LRMDA: variants seen among roughly 807,000 people sequenced by gnomAD.
The protein encoded by LRMDA is leucine-rich melanocyte differentiation-associated protein.
LRMDA carries 18 observed loss-of-function variants against 29.8 expected under a neutral mutation model. The observed-to-expected ratio is 0.60, with a 90% CI of 0.42 to 0.90. The LOEUF is 0.90. LRMDA is among the 40% of genes least tolerant of loss of function. The pLI is 0.00. For missense variants in LRMDA, 273 were observed against 273.9 expected (o/e 1.00, Z 0.02); for synonymous variants, 125 against 109.4 (o/e 1.14, Z -0.89).
At position 76,268,380 on chromosome 10, in the gene LRMDA, G is replaced by A. The variant is rs567875198; in HGVS notation, c.517-56021G>A. ...CTCTCCCACATTCAGGAATGACAGG[G>A]CTAGTGTGTGCTTCTGCACTTGCCC... is the stretch of plus-strand genomic sequence containing the variant. On this transcript the variant is annotated intron_variant, in intron 5 of 6. Coordinates refer to ENST00000611255, the MANE Select transcript of LRMDA (RefSeq NM_001305581.2). Among the ~76,000 whole-genome samples, 21 of 152,314 alleles carry A rather than the reference G, an allele frequency of 1.4e-4. No individual in the cohort carries two copies. In the South Asian group the frequency reaches 3.9e-3, roughly 29 times the overall value.
At chr10:75,891,321 G>T (rs1300916980) in intron 2 of LRMDA, among the ~76,000 whole-genome samples, 1 of 152,170 alleles carries the variant, frequency 6.6e-6, no homozygotes, top group Non-Finnish European at 1.5e-5. Context: ...CTGCAGCATT[G>T]GCATTTTCTA....
chr10:76,478,428 A>T (rs1842700835), intron 6 of LRMDA, among the ~76,000 whole-genome samples: 1 of 152,190 alleles, frequency 6.6e-6, no homozygotes, highest in Non-Finnish European at 1.5e-5. Context: ...GAGAAATAGG[A>T]AGAGTTTTAC....
At chr10:76,131,754 A>G (rs1252312197) in intron 5 of LRMDA, among the ~76,000 whole-genome samples, 1 of 152,102 alleles carries the variant, frequency 6.6e-6, no homozygotes, top group Non-Finnish European at 1.5e-5. Flanking sequence ...TGTGCTTATT[A>G]GCCATGCACA....
chr10:76,498,274 G>A (rs1376104716), intron 6 of LRMDA, among the ~76,000 whole-genome samples: 2 of 75,174 alleles, frequency 2.7e-5, no homozygotes, highest in Non-Finnish European at 8.8e-5. Context: ...AGCCTCAAAG[G>A]CCTCTCATAA....
chr10:75,476,508 C>T (rs1737132510), intron 2 of LRMDA, among the ~76,000 whole-genome samples: 1 of 152,172 alleles, frequency 6.6e-6, no homozygotes, highest in African/African-American at 2.4e-5. Context: ...CCTTAAGGAT[C>T]GCCATGTCTG....
chr10:75,925,632 G>GGTGGCAGTGGTGGTGGTAATA, intron 2 of LRMDA, among the ~76,000 whole-genome samples: 1 of 151,830 alleles, frequency 6.6e-6, no homozygotes, highest in African/African-American at 2.4e-5. Flanking sequence ...TGGTGGTAAT[G>GGTGGCAGTGGTGGTGGTAATA]GTGGCAGCAG....
intron 2 of LRMDA, among the ~76,000 whole-genome samples, chr10:75,572,690 G>A (rs75150085): frequency 0.013 from 1,983 of 152,274 alleles, 45 homozygotes; most frequent in African/African-American, 0.045. Context: ...AATTCTAGCT[G>A]ATAGCTATTT....
intron 2 of LRMDA, among the ~76,000 whole-genome samples, chr10:75,452,292 G>A (rs1844470232): frequency 6.6e-6 from 1 of 152,134 alleles, no homozygotes; most frequent in African/African-American, 2.4e-5. Flanking sequence ...ATTCTGTGCT[G>A]CCTGGAGCCC....
At chr10:75,454,422 C>T (rs1844492400) in intron 2 of LRMDA, among the ~76,000 whole-genome samples, 1 of 152,124 alleles carries the variant, frequency 6.6e-6, no homozygotes, top group South Asian at 2.1e-4. Context: ...ACCTTCCCGT[C>T]TCCTTTAGTT....
chr10:76,493,674 G>A (rs1481320446), intron 6 of LRMDA, among the ~76,000 whole-genome samples: 1 of 151,926 alleles, frequency 6.6e-6, no homozygotes, highest in Non-Finnish European at 1.5e-5. Context: ...ATCAGGGTAA[G>A]TTCTCCAAGT....
At chr10:76,184,759 T>C (rs1042315621) in intron 5 of LRMDA, among the ~76,000 whole-genome samples, 2 of 152,214 alleles carry the variant, frequency 1.3e-5, no homozygotes, top group African/African-American at 4.8e-5. Context: ...ACATTCCCGC[T>C]GTCTTCTTTT....
chr10:76,480,289 G>A (rs941832399), intron 6 of LRMDA, among the ~76,000 whole-genome samples: 1 of 151,908 alleles, frequency 6.6e-6, no homozygotes, highest in East Asian at 1.9e-4. Flanking sequence ...TACTTATACT[G>A]TAGTAAGCCC....
chr10:76,216,602 A>G (rs1851732590), intron 5 of LRMDA, among the ~76,000 whole-genome samples: 1 of 152,214 alleles, frequency 6.6e-6, no homozygotes, highest in African/African-American at 2.4e-5. Flanking sequence ...ATTAAAAAGG[A>G]AATGTAAGAT....
intron 6 of LRMDA, among the ~76,000 whole-genome samples, chr10:76,353,838 T>G (rs750831895): frequency 6.6e-6 from 1 of 152,162 alleles, no homozygotes; most frequent in Non-Finnish European, 1.5e-5. Flanking sequence ...TCCATTACTT[T>G]GTAATAAGGG....
intron 2 of LRMDA, among the ~76,000 whole-genome samples, chr10:75,583,789 A>G (rs1249876315): frequency 6.6e-6 from 1 of 152,026 alleles, no homozygotes; most frequent in Non-Finnish European, 1.5e-5. Context: ...CAAATCAGTC[A>G]TTAAGTCCCA....
intron 2 of LRMDA, among the ~76,000 whole-genome samples, chr10:75,774,580 G>A (rs1843285487): frequency 6.6e-6 from 1 of 152,060 alleles, no homozygotes; most frequent in Admixed American, 6.5e-5. Context: ...TTATAGACAA[G>A]CAGAAGGATA....
chr10:75,629,491 C>T (rs996173031), intron 2 of LRMDA, among the ~76,000 whole-genome samples: 1 of 152,212 alleles, frequency 6.6e-6, no homozygotes, highest in East Asian at 1.9e-4. Flanking sequence ...TGCATTTTCA[C>T]GTTATTATCT....
At chr10:76,370,522 G>T (rs766095941) in intron 6 of LRMDA, among the ~76,000 whole-genome samples, 1 of 152,058 alleles carries the variant, frequency 6.6e-6, no homozygotes, top group Non-Finnish European at 1.5e-5. Flanking sequence ...AGCATATATT[G>T]TAGGCTCCCC....
intron 1 of LRMDA, among the ~76,000 whole-genome samples, chr10:75,435,614 A>G (rs1043499439): frequency 1.3e-5 from 2 of 152,154 alleles, no homozygotes; most frequent in African/African-American, 4.8e-5. Context: ...AACAACTTGT[A>G]TTTTTCTTAG....
Sources: gnomAD v4.1 joint callset for allele counts (sites outside exome capture counted in the v4.1 genomes callset) on GRCh38, gnomAD v4.1.1 for gene constraint, MANE v1.5 for transcripts, NCBI Gene and HGNC (gene_info 2026-07-23, HGNC 2026-07-21) for gene names.